PRKAG2: variants seen among roughly 807,000 people sequenced by gnomAD.
PRKAG2 encodes the protein 5'-AMP-activated protein kinase subunit gamma-2.
In PRKAG2, 26 loss-of-function variants were observed where a neutral mutation model predicts 69.6. The observed-to-expected ratio is 0.37, with a 90% CI of 0.27 to 0.52. The LOEUF (loss-of-function observed/expected upper bound fraction) is 0.52, where lower values mean the gene tolerates loss of function less well. Ranked by LOEUF, PRKAG2 falls within the 20% of genes least tolerant of loss-of-function variation. The pLI, the probability that PRKAG2 is intolerant of heterozygous loss-of-function variation, is 0.90. For missense variants in PRKAG2, 557 were observed against 740.0 expected (o/e 0.75, Z 2.87); for synonymous variants, 293 against 285.0 (o/e 1.03, Z -0.28).
intron 3 of PRKAG2, among the ~76,000 whole-genome samples, chr7:151,683,420 T>C (rs1356987209): frequency 2.0e-5 from 3 of 152,098 alleles, no homozygotes; most frequent in Non-Finnish European, 4.4e-5. Flanking sequence ...TTGGTAAAAA[T>C]AAACCAGGTA....
At chr7:151,578,490 T>C (rs1809530278) in intron 6 of PRKAG2, among the ~76,000 whole-genome samples, 1 of 152,228 alleles carries the variant, frequency 6.6e-6, no homozygotes, top group African/African-American at 2.4e-5. Flanking sequence ...ATATTTTGCC[T>C]TATGTGGAAC....
intron 5 of PRKAG2, among the ~76,000 whole-genome samples, chr7:151,630,783 G>A (rs1284841098): frequency 6.6e-6 from 1 of 152,342 alleles, no homozygotes; most frequent in East Asian, 1.9e-4. Flanking sequence ...GATTTGGCCT[G>A]CAATATAATA....
chr7:151,786,524 G>A lies in PRKAG2; in HGVS notation c.132C>T (p.Ala44=), dbSNP rs758708859. 1 of 1,612,938 alleles carries A rather than the reference G, an allele frequency of 6.2e-7. No homozygotes were observed. Among genetic ancestry groups the A allele is most frequent in the Non-Finnish European group, 8.5e-7 (1 of 1,179,626 alleles). ...CCAGGTCTCCGTCCAGGAGCGGCAT[G>A]GCGAAGGAGCTCAGGTCCTAGGGTG... ...RVHIPDLSSF[A]MPLLDGDLEG... The change falls in exon 2 of 16, where the codon GCC becomes GCT. Residue 44 remains alanine (A), a synonymous_variant. Transcript: ENST00000287878.
rs966281307 is a variant in PRKAG2, at chr7:151,771,615, G to A, written c.466+9537C>T. 6.6e-6 allele frequency among the ~76,000 whole-genome samples: 1 copy of A among 152,190 alleles called. No individual in the cohort carries two copies. The highest frequency in any genetic ancestry group is 2.4e-5 in the African/African-American group (1 of 41,448). On this transcript the variant is annotated intron_variant, in intron 3 of 15. Coordinates refer to ENST00000287878, the MANE Select transcript of PRKAG2 (RefSeq NM_016203.4). The surrounding 1 kb of genome is among the most constrained non-coding windows in gnomAD (Gnocchi z 4.0). ...TTAAAACTTTCGATTCCAAGACTCA[G>A]GCCATTGAGTCATTCGCTTCACTGG...
At chr7:151,765,289 GA>G (rs2075673376) in intron 3 of PRKAG2, among the ~76,000 whole-genome samples, 1 of 152,186 alleles carries the variant, frequency 6.6e-6, no homozygotes, top group Non-Finnish European at 1.5e-5. Flanking sequence ...CATCAGGAAG[GA>G]AAGAGTGAAG....
chr7:151,706,220 T>C (rs1209223571), intron 3 of PRKAG2, among the ~76,000 whole-genome samples: 1 of 152,238 alleles, frequency 6.6e-6, no homozygotes, highest in East Asian at 1.9e-4. Context: ...AGTCTGGCTC[T>C]GGAGACCAAG....
In PRKAG2 at chr7:151,756,106, A is replaced by G. The variant is rs1397050331; in HGVS notation, c.466+25046T>C. ...GGCCTCTCCCCCTGGACCACCAGTG[A>G]TGCCGGCAGCCACAGGTCCCTCTGC... On this transcript the variant is annotated intron_variant, in intron 3 of 15. Coordinates refer to ENST00000287878, the MANE Select transcript of PRKAG2 (RefSeq NM_016203.4). This position sits in a 1 kb window ranked among gnomAD's most constrained non-coding sequence, Gnocchi z 4.9. 5.3e-5 allele frequency among the ~76,000 whole-genome samples: 8 copies of G among 152,020 alleles called. No homozygotes were observed. Among genetic ancestry groups the G allele is most frequent in the Non-Finnish European group, 1.2e-4 (8 of 67,992 alleles).
intron 3 of PRKAG2, among the ~76,000 whole-genome samples, chr7:151,709,668 C>T (rs1181935739): frequency 6.6e-6 from 1 of 152,028 alleles, no homozygotes; most frequent in Non-Finnish European, 1.5e-5. Flanking sequence ...CACTGAATGA[C>T]ACATGTGACA....
intron 3 of PRKAG2, among the ~76,000 whole-genome samples, chr7:151,768,800 G>C (rs989487974): frequency 4.4e-4 from 67 of 152,332 alleles, no homozygotes; most frequent in African/African-American, 1.5e-3. Context: ...GACCAAGAAG[G>C]CTGCAGTTGG....
chr7:151,642,482 T>C (rs1021104451), intron 4 of PRKAG2, among the ~76,000 whole-genome samples: 1 of 152,174 alleles, frequency 6.6e-6, no homozygotes, highest in Non-Finnish European at 1.5e-5. Flanking sequence ...TGAGCTGTGA[T>C]CACACCACTG....
intron 2 of PRKAG2, among the ~76,000 whole-genome samples, chr7:151,784,023 C>G (rs1329988097): frequency 1.3e-5 from 2 of 151,408 alleles, no homozygotes; most frequent in African/African-American, 4.9e-5. Context: ...GAACAACACA[C>G]ACAGGCACCA....
chr7:151,694,936 G>A (rs1836347132), intron 3 of PRKAG2, among the ~76,000 whole-genome samples: 1 of 152,248 alleles, frequency 6.6e-6, no homozygotes. Flanking sequence ...GTCAGAATCT[G>A]TCAGCCTGTG....
At chr7:151,688,757 A>G (rs1835163055) in intron 3 of PRKAG2, among the ~76,000 whole-genome samples, 2 of 152,218 alleles carry the variant, frequency 1.3e-5, no homozygotes, top group African/African-American at 4.8e-5. Flanking sequence ...GAATCTCAGG[A>G]CACTTGGATC....
chr7:151,561,704 G>C (rs548169441), intron 14 of PRKAG2, among the ~76,000 whole-genome samples: 1 of 152,070 alleles, frequency 6.6e-6, no homozygotes, highest in Non-Finnish European at 1.5e-5. Context: ...AGGCCGAGGC[G>C]GGCGGATCAC....
chr7:151,563,582 T>C (rs1805565526), intron 14 of PRKAG2, among the ~76,000 whole-genome samples: 2 of 152,216 alleles, frequency 1.3e-5, no homozygotes, highest in African/African-American at 2.4e-5. Context: ...TAGATACAGA[T>C]ACATCGATCT....
intron 4 of PRKAG2, among the ~76,000 whole-genome samples, chr7:151,660,573 C>T (rs1304768446): frequency 6.6e-6 from 1 of 152,146 alleles, no homozygotes; most frequent in African/African-American, 2.4e-5. Flanking sequence ...TAAAGCAATA[C>T]TTATACTGTG....
intron 3 of PRKAG2, among the ~76,000 whole-genome samples, chr7:151,763,547 C>G (rs1326812147): frequency 6.6e-6 from 1 of 152,246 alleles, no homozygotes; most frequent in Non-Finnish European, 1.5e-5. Context: ...GGCTCCTCAG[C>G]CACTGCCCCA....
intron 3 of PRKAG2, among the ~76,000 whole-genome samples, chr7:151,710,782 A>C (rs1248625817): frequency 6.6e-6 from 1 of 152,200 alleles, no homozygotes; most frequent in Non-Finnish European, 1.5e-5. Context: ...TGCCCCTACA[A>C]GCAAATAGGC....
chr7:151,855,321 C>CA (rs571467962), intron 1 of PRKAG2, among the ~76,000 whole-genome samples: 2 of 374 alleles, frequency 5.3e-3, no homozygotes, highest in African/African-American at 0.017. Flanking sequence ...CACCACCCTC[C>CA]CACACACCGC....
Sources: allele counts gnomAD v4.1 joint callset (sites outside exome capture counted in the v4.1 genomes callset), GRCh38; gene constraint gnomAD v4.1.1; non-coding constraint Gnocchi (gnomAD v3.1); transcripts MANE v1.5; gene names NCBI Gene and HGNC (gene_info 2026-07-23, HGNC 2026-07-21).